Variants in ZNF292 observed in about 807,000 individuals in gnomAD.
ZNF292 encodes zinc finger protein 292, also known as 16 zinc-finger domain protein.
ZNF292 carries 26 observed loss-of-function variants against 217.9 expected under a neutral mutation model. The ratio of observed to expected loss-of-function variants is 0.12; its 90% CI spans 0.09 to 0.17. ZNF292 has a LOEUF of 0.17. ZNF292 is among the 10% of genes least tolerant of loss of function. ZNF292 has a pLI of 1.00. For missense variants in ZNF292, 2,904 were observed against 3,175.2 expected, an observed-to-expected ratio of 0.91 and a Z score of 2.05; for synonymous variants, 1,257 against 1,124.1, an observed-to-expected ratio of 1.12 and a Z score of -2.37.
chr6:87,176,685 A>G (rs1024967026), intron 1 of ZNF292, among the ~76,000 whole-genome samples: 1 of 152,148 alleles, frequency 6.6e-6, no homozygotes, highest in Non-Finnish European at 1.5e-5. Context: ...ATTATGTCTG[A>G]GGCAGGACTT....
intron 1 of ZNF292, among the ~76,000 whole-genome samples, chr6:87,169,396 G>C (rs1017140140): frequency 6.6e-6 from 1 of 151,912 alleles, no homozygotes; most frequent in Admixed American, 6.6e-5. Context: ...TATGGGTATG[G>C]AACCCATGGA....
intron 4 of ZNF292, among the ~76,000 whole-genome samples, chr6:87,225,217 T>C (rs1261575530): frequency 6.6e-6 from 1 of 152,230 alleles, no homozygotes; most frequent in Non-Finnish European, 1.5e-5. Flanking sequence ...GTTTGTTTTC[T>C]TATTGTTGAG....
intron 1 of ZNF292, among the ~76,000 whole-genome samples, chr6:87,176,676 T>C (rs1006977467): frequency 7.9e-5 from 12 of 152,230 alleles, no homozygotes; most frequent in Non-Finnish European, 1.5e-4. Context: ...CAACTCATCA[T>C]TATGTCTGAG....
At chr6:87,232,805 A>G (rs976088018) in intron 4 of ZNF292, among the ~76,000 whole-genome samples, 17 of 152,232 alleles carry the variant, frequency 1.1e-4, no homozygotes, top group African/African-American at 4.1e-4. Context: ...GATTCATTAT[A>G]AAACATCTAT....
chr6:87,219,196 A>C (rs965151815), intron 4 of ZNF292, among the ~76,000 whole-genome samples: 2 of 152,152 alleles, frequency 1.3e-5, no homozygotes, highest in African/African-American at 4.8e-5. Flanking sequence ...TTATGAGCTC[A>C]GCCTGGTATC....
rs146112850 is a variant in ZNF292 at position 87,264,144 on chromosome 6, G to A, written c.*2343G>A. ...ATAGCATGTTGGTAAATTTTGATACGGAATGTAATGTCTAAGTATTAAAAA... is the reference window on the plus strand; with the variant it reads ...ATAGCATGTTGGTAAATTTTGATACAGAATGTAATGTCTAAGTATTAAAAA... On this transcript the variant is annotated 3_prime_UTR_variant, in exon 8 of 8. Coordinates refer to ENST00000369577, the MANE Select transcript of ZNF292 (RefSeq NM_015021.3). The A allele has an allele frequency of 2.0e-5, 3 of 152,114 alleles. No homozygotes were observed. Among genetic ancestry groups the A allele is most frequent in the African/African-American group, 7.2e-5 (3 of 41,512 alleles). The allele number at this position is 152,114 out of a possible 1,614,324, so 9.4% of individuals were successfully genotyped here. A position where few individuals can be genotyped will look rare whatever the true frequency, so the allele number is the denominator to read the frequency against.
At chr6:87,197,105 T>G (rs902268426) in intron 1 of ZNF292, among the ~76,000 whole-genome samples, 11 of 152,066 alleles carry the variant, frequency 7.2e-5, no homozygotes, top group Admixed American at 4.6e-4. Flanking sequence ...GAAGTGCAAA[T>G]TAGAGAAACT....
At chr6:87,176,659 T>A (rs1321104124) in intron 1 of ZNF292, among the ~76,000 whole-genome samples, 1 of 152,158 alleles carries the variant, frequency 6.6e-6, no homozygotes, top group African/African-American at 2.4e-5. Context: ...CACTCAAGCA[T>A]TTTTCCCAAC....
In ZNF292 at chr6:87,259,555, A is replaced by T; in HGVS notation, c.5926A>T (p.Thr1976Ser). The change falls in exon 8 of 8, where the codon ACT becomes TCT. Residue 1976 changes from threonine to serine, a missense_variant. Physicochemically the swap from Thr to Ser is moderately conservative, Grantham distance 58 (BLOSUM62 1). Around this residue, in one of 15 missense-constraint regions of ZNF292, gnomAD observed 261 missense variants for 272.8 expected, o/e 0.96. Coordinates refer to ENST00000369577, the MANE Select transcript of ZNF292 (RefSeq NM_015021.3). ...AHCQLVHHFTTEEMVKLKIKR... is the reference protein window; with the variant it reads ...AHCQLVHHFTSEEMVKLKIKR... ...CTGTCAGTTGGTGCATCATTTTACAACTGAAGAAATGGTAAAGTTAAAAAT... is the reference window on the plus strand; with the variant it reads ...CTGTCAGTTGGTGCATCATTTTACATCTGAAGAAATGGTAAAGTTAAAAAT... 6.3e-7 allele frequency: 1 copy of T among 1,581,810 alleles called. No individual in the cohort carries two copies. The highest frequency in any genetic ancestry group is 8.6e-7 in the Non-Finnish European group (1 of 1,162,730).
chr6:87,176,234 G>A (rs10085214), intron 1 of ZNF292, among the ~76,000 whole-genome samples: 16,584 of 152,174 alleles, frequency 0.11, 965 homozygotes, highest in Middle Eastern at 0.17. Flanking sequence ...CAGAAATGAA[G>A]ACCCAAAGAT....
In ZNF292 at chr6:87,259,311, T is replaced by G. The variant is rs377564750; in HGVS notation, c.5682T>G (p.Phe1894Leu). 1 of 1,613,584 alleles carries G rather than the reference T, an allele frequency of 6.2e-7. No homozygotes were observed. The highest frequency in any genetic ancestry group is 8.5e-7 in the Non-Finnish European group (1 of 1,179,646). ...TTTCTGAAATGATAAACATTCAATT[T>G]AATGACAAAGTTAATAAACCCTTTG... ...QPVSEMINIQFNDKVNKPFVC... is the reference protein window; with the variant it reads ...QPVSEMINIQLNDKVNKPFVC... Residue 1894 changes from phenylalanine (F) to leucine (L), a missense_variant, in exon 8 of 8, where the codon TTT (phenylalanine) becomes TTG (leucine). By Grantham distance (22) the Phe-to-Leu change is conservative (BLOSUM62 0). Transcript: ENST00000369577.
chr6:87,249,622 C>T (rs1417666924), intron 7 of ZNF292, among the ~76,000 whole-genome samples: 1 of 152,104 alleles, frequency 6.6e-6, no homozygotes, highest in East Asian at 1.9e-4. Flanking sequence ...TAAAGTTAAG[C>T]TATAGTGATT....
intron 5 of ZNF292, among the ~76,000 whole-genome samples, chr6:87,238,671 T>A (rs1475809301): frequency 6.6e-6 from 1 of 150,854 alleles, no homozygotes; most frequent in Non-Finnish European, 1.5e-5. Flanking sequence ...TTTATTTCTT[T>A]TTGGTTTTGA....
At chr6:87,198,487 A>AG (rs1772024392) in intron 1 of ZNF292, among the ~76,000 whole-genome samples, 1 of 152,190 alleles carries the variant, frequency 6.6e-6, no homozygotes, top group Non-Finnish European at 1.5e-5. Flanking sequence ...TACAGGCCTG[A>AG]GGAGCCACGC....
intron 1 of ZNF292, among the ~76,000 whole-genome samples, chr6:87,158,283 A>T (rs1442407576): frequency 2.0e-5 from 3 of 152,192 alleles, no homozygotes; most frequent in Non-Finnish European, 4.4e-5. Flanking sequence ...TTCCTCTGGA[A>T]CATTTTCTGG....
Position 87,257,392 on chromosome 6 carries a change from A to G in ZNF292, c.3763A>G (p.Ile1255Val), listed in dbSNP as rs1775287171. The change falls in exon 8 of 8, where the codon ATT (isoleucine) becomes GTT (valine). Residue 1255 changes from isoleucine (I) to valine (V), a missense_variant. Coordinates refer to ENST00000369577, the MANE Select transcript of ZNF292 (RefSeq NM_015021.3). ...DLTKTVLPLN[I>V]DSGSDPFLPL... ...AACCAAAACAGTTCTGCCTTTGAAT[A>G]TTGACAGTGGCTCAGATCCTTTCCT... is the stretch of plus-strand genomic sequence containing the variant. The G allele has an allele frequency of 2.5e-6, 4 of 1,613,674 alleles. No individual in the cohort carries two copies. Among genetic ancestry groups the G allele is most frequent in the Non-Finnish European group, 3.4e-6 (4 of 1,179,770 alleles).
At chr6:87,165,433 C>G (rs936665670) in intron 1 of ZNF292, among the ~76,000 whole-genome samples, 3 of 152,112 alleles carry the variant, frequency 2.0e-5, no homozygotes, top group Admixed American at 2.0e-4. Flanking sequence ...GATACTCACC[C>G]GGGAGTAAGA....
chr6:87,208,404 A>G (rs1235093894), intron 1 of ZNF292, among the ~76,000 whole-genome samples: 1 of 151,902 alleles, frequency 6.6e-6, no homozygotes, highest in Non-Finnish European at 1.5e-5. Context: ...GACCTCTAGC[A>G]TTATTCTTTA....
chr6:87,188,645 G>A (rs561561941), intron 1 of ZNF292, among the ~76,000 whole-genome samples: 12 of 151,848 alleles, frequency 7.9e-5, no homozygotes, highest in Non-Finnish European at 1.0e-4. Flanking sequence ...TGCTTATGTT[G>A]AAATTAGTTT....
Sources: gnomAD v4.1 joint callset for allele counts (sites outside exome capture counted in the v4.1 genomes callset) on GRCh38, gnomAD v4.1.1 for gene constraint, gnomAD v4.1.1 regional missense constraint, MANE v1.5 for transcripts, NCBI Gene and HGNC (gene_info 2026-07-23, HGNC 2026-07-21) for gene names.